Variants in FGD4 observed in about 807,000 individuals in gnomAD.
The protein encoded by FGD4 is FYVE, RhoGEF and PH domain containing 4.
A neutral mutation model predicts 102.0 loss-of-function variants in FGD4; 42 were observed. The observed-to-expected ratio is 0.41, with a 90% CI of 0.32 to 0.53. FGD4 has a LOEUF of 0.53. FGD4 is among the 20% of genes least tolerant of loss of function. The probability of loss-of-function intolerance (pLI) is 0.21; values close to 1 mark genes in which losing one functional copy is unlikely to be tolerated. For synonymous variants in FGD4, 380 were observed against 375.7 expected (o/e 1.01, Z -0.13); for missense variants, 902 against 1,078.2 (o/e 0.84, Z 2.29).
In FGD4 at chr12:32,582,196, T is replaced by C. The variant is rs142609007; in HGVS notation, c.740T>C (p.Leu247Pro). 7.2e-4 allele frequency: 1,161 copies of C among 1,614,116 alleles called. No homozygotes were observed. Among genetic ancestry groups the C allele is most frequent in the Non-Finnish European group, 9.3e-4 (1,092 of 1,180,044 alleles). ...TGTGAGGAGGAGAAAGCTGCCACTC[T>C]TAGCTCAGATACTTCTATTCAAGCT... ...MECEEEKAAT[L>P]SSDTSIQASE... Residue 247 changes from leucine to proline, a missense_variant, in exon 4 of 17, where the codon CTT becomes CCT. Physicochemically the swap from Leu to Pro is moderately conservative, Grantham distance 98 (BLOSUM62 -3). Coordinates refer to ENST00000534526, the MANE Select transcript of FGD4 (RefSeq NM_001370298.3).
At chr12:32,469,083 CCCAAAAT>C (rs1423364075) in intron 1 of FGD4, among the ~76,000 whole-genome samples, 1 of 152,026 alleles carries the variant, frequency 6.6e-6, no homozygotes, top group South Asian at 2.1e-4. Flanking sequence ...TTATCAGCCT[CCCAAAAT>C]GCTGGGGTTA....
chr12:32,486,083 C>T, intron 1 of FGD4: 1 of 1,520,714 alleles, frequency 6.6e-7, no homozygotes, highest in Non-Finnish European at 8.8e-7. Flanking sequence ...GCTCCAGAAG[C>T]AGGAAATAGG....
At chr12:32,547,792 C>T (rs35944077) in intron 1 of FGD4, among the ~76,000 whole-genome samples, 18,959 of 152,142 alleles carry the variant, frequency 0.12, 1,672 homozygotes, top group African/African-American at 0.25. Flanking sequence ...CTACAATCTC[C>T]GCCTCCCGGG....
chr12:32,624,737 G>C lies in FGD4; in HGVS notation c.1954-239G>C, dbSNP rs1295507647. The C allele has an allele frequency of 6.2e-6, 4 of 643,072 alleles. No homozygotes were observed. In the Admixed American group the frequency reaches 9.2e-5, roughly 15 times the overall value. 39.8% of individuals were successfully genotyped at this position (643,072 alleles called of 1,614,324 possible). On this transcript the variant is annotated intron_variant, in intron 12 of 16. Transcript: ENST00000534526. ...GATCTGCCTGCCTCGGTCTCCCAAAGTGCTGGGATTACAGGTGTGAGCCAC... is the reference window on the plus strand; with the variant it reads ...GATCTGCCTGCCTCGGTCTCCCAAACTGCTGGGATTACAGGTGTGAGCCAC...
In FGD4 at chr12:32,600,512, A is replaced by ATAG. The variant is rs1024073736; in HGVS notation, c.1102-762_1102-760dup. 2.1e-5 allele frequency: 25 copies of ATAG among 1,205,450 alleles called. No homozygotes were observed. In the African/African-American group the frequency reaches 3.9e-4, roughly 19 times the overall value. 74.7% of individuals were successfully genotyped at this position (1,205,450 alleles called of 1,614,324 possible). ...TGTAACAGAATGGCAATTAAGAGGT[A>ATAG]TAGTAGCCCTAGTGAAGTATAGCTA... On this transcript the variant is annotated intron_variant, in intron 5 of 16. Coordinates refer to ENST00000534526, the MANE Select transcript of FGD4 (RefSeq NM_001370298.3).
chr12:32,491,960 T>A (rs957345981), intron 1 of FGD4, among the ~76,000 whole-genome samples: 1 of 152,218 alleles, frequency 6.6e-6, no homozygotes, highest in African/African-American at 2.4e-5. Context: ...CCCAATTGCT[T>A]GTTAACATTC....
At chr12:32,525,831 A>C (rs1351588231) in intron 1 of FGD4, among the ~76,000 whole-genome samples, 1 of 152,232 alleles carries the variant, frequency 6.6e-6, no homozygotes, top group East Asian at 1.9e-4. Flanking sequence ...GTGGCTGCAG[A>C]GGGTGTACTG....
At chr12:32,491,844 G>A (rs1427974136) in intron 1 of FGD4, among the ~76,000 whole-genome samples, 3 of 152,186 alleles carry the variant, frequency 2.0e-5, no homozygotes, top group Admixed American at 2.0e-4. Flanking sequence ...CAGTGGAAGG[G>A]TAGACTGGAT....
At chr12:32,427,288 G>T (rs1018093135) in intron 1 of FGD4, among the ~76,000 whole-genome samples, 1 of 152,190 alleles carries the variant, frequency 6.6e-6, no homozygotes, top group Non-Finnish European at 1.5e-5. Context: ...GGGTTTCAAA[G>T]AACTTATTTA....
chr12:32,452,057 CTG>C (rs1942794171), intron 1 of FGD4, among the ~76,000 whole-genome samples: 1 of 152,158 alleles, frequency 6.6e-6, no homozygotes, highest in Non-Finnish European at 1.5e-5. Flanking sequence ...TGTGGACACT[CTG>C]TGAACAATTG....
intron 4 of FGD4, among the ~76,000 whole-genome samples, chr12:32,583,791 A>G (rs866387436): frequency 6.6e-6 from 1 of 152,246 alleles, no homozygotes; most frequent in African/African-American, 2.4e-5. Context: ...GTAAAGAAAC[A>G]GGACATTGCA....
intron 1 of FGD4, among the ~76,000 whole-genome samples, chr12:32,510,843 G>A (rs12579931): frequency 0.19 from 29,210 of 152,128 alleles, 5,990 homozygotes; most frequent in African/African-American, 0.51. Context: ...ATTCAACCCC[G>A]ATGTTCTGTT....
At chr12:32,525,990 C>G (rs186458669) in intron 1 of FGD4, among the ~76,000 whole-genome samples, 1 of 152,270 alleles carries the variant, frequency 6.6e-6, no homozygotes, top group Non-Finnish European at 1.5e-5. Context: ...CCCGAGCCTC[C>G]GACGAGCACC....
intron 1 of FGD4, among the ~76,000 whole-genome samples, chr12:32,505,929 A>G (rs1592039803): frequency 6.6e-6 from 1 of 152,196 alleles, no homozygotes; most frequent in African/African-American, 2.4e-5. Context: ...GTATATTTTT[A>G]GATTCCTGTT....
chr12:32,616,952 T>C (rs1471759297), intron 10 of FGD4, among the ~76,000 whole-genome samples: 2 of 151,988 alleles, frequency 1.3e-5, no homozygotes, highest in African/African-American at 4.8e-5. Context: ...TCTTACTGCA[T>C]CATAACATGC....
intron 1 of FGD4, among the ~76,000 whole-genome samples, chr12:32,482,348 C>CT (rs1425314912): frequency 2.6e-5 from 4 of 152,112 alleles, no homozygotes; most frequent in Non-Finnish European, 5.9e-5. Flanking sequence ...ATATCCCATG[C>CT]TTCTTGTTTT....
chr12:32,588,702 C>G (rs1947243752), intron 4 of FGD4, among the ~76,000 whole-genome samples: 1 of 152,114 alleles, frequency 6.6e-6, no homozygotes, highest in African/African-American at 2.4e-5. Flanking sequence ...GCTGAGTGGC[C>G]TGGAATTCAA....
At position 32,643,603 on chromosome 12, in the gene FGD4, A is replaced by C. The variant is rs967546183; in HGVS notation, c.*3070A>C. On this transcript the variant is annotated 3_prime_UTR_variant, in exon 17 of 17. Transcript: ENST00000534526. ...ACCCCAATTTTTTTAAAAATTATTA[A>C]ACTTTTTACAGAAACTAACCTTTTA... The C allele has an allele frequency of 6.6e-6, 1 of 151,936 alleles. No homozygotes were observed. Among genetic ancestry groups the C allele is most frequent in the Non-Finnish European group, 1.5e-5 (1 of 67,924 alleles). 9.4% of individuals were successfully genotyped at this position (151,936 alleles called of 1,614,324 possible).
chr12:32,531,312 A>G (rs953148193), intron 1 of FGD4, among the ~76,000 whole-genome samples: 2 of 152,176 alleles, frequency 1.3e-5, no homozygotes, highest in Non-Finnish European at 2.9e-5. Flanking sequence ...TAAAATTAAA[A>G]GATAATTTAC....
Sources: gnomAD v4.1 joint callset for allele counts (sites outside exome capture counted in the v4.1 genomes callset) on GRCh38, gnomAD v4.1.1 for gene constraint, MANE v1.5 for transcripts, NCBI Gene and HGNC (gene_info 2026-07-23, HGNC 2026-07-21) for gene names.